Variants in ZNG1E observed in about 807,000 individuals in gnomAD.
ZNG1E encodes zinc-regulated GTPase metalloprotein activator 1E.
At chr9:65,665,348 C>A in the ZNG1E span, among the ~76,000 whole-genome samples, 54 of 152,368 alleles carry the variant, frequency 3.5e-4, no homozygotes, top group Non-Finnish European at 6.8e-4. Flanking sequence ...ATGAAAGGAG[C>A]CAAAGTACAG....
the ZNG1E span, among the ~76,000 whole-genome samples, chr9:65,721,192 C>G: frequency 7.0e-6 from 1 of 143,018 alleles, no homozygotes; most frequent in Non-Finnish European, 1.5e-5. Context: ...AGTTATGATG[C>G]CTTGTAGTTT....
chr9:65,679,215 TAA>T, the ZNG1E span: 1 of 640,374 alleles, frequency 1.6e-6, no homozygotes, highest in Non-Finnish European at 2.5e-6. Flanking sequence ...AGCAACATAG[TAA>T]AAGAGTAGCG....
the ZNG1E span, among the ~76,000 whole-genome samples, chr9:65,717,057 T>A: frequency 6.6e-6 from 1 of 152,030 alleles, no homozygotes; most frequent in Non-Finnish European, 1.5e-5. Context: ...AAATGACTAC[T>A]TCTTGTTTTA....
At chr9:65,710,676 G>A in the ZNG1E span, among the ~76,000 whole-genome samples, 30 of 151,356 alleles carry the variant, frequency 2.0e-4, no homozygotes, top group African/African-American at 3.4e-4. Context: ...GATATGCGGC[G>A]TTATTTCTGA....
At chr9:65,675,991 T>C in the ZNG1E span, 1 of 1,609,280 alleles carries the variant, frequency 6.2e-7, no homozygotes, top group Admixed American at 1.7e-5. Context: ...TACCGGCTGT[T>C]GGATCTGTGG....
At chr9:65,683,918 T>C in the ZNG1E span, among the ~76,000 whole-genome samples, 91 of 152,158 alleles carry the variant, frequency 6.0e-4, no homozygotes, top group East Asian at 0.013. Flanking sequence ...AAGAAAAATA[T>C]ATTGTATGCT....
chr9:65,686,726 C>T, the ZNG1E span, among the ~76,000 whole-genome samples: 2 of 152,256 alleles, frequency 1.3e-5, no homozygotes, highest in Non-Finnish European at 2.9e-5. Context: ...AGGTAGTTTA[C>T]TACAGCTTCT....
chr9:65,711,019 C>G, the ZNG1E span, among the ~76,000 whole-genome samples: 3 of 144,586 alleles, frequency 2.1e-5, no homozygotes, highest in East Asian at 5.9e-4. Flanking sequence ...TTTGTATCCT[C>G]TTTTATTTCC....
At chr9:65,674,839 C>T in the ZNG1E span, among the ~76,000 whole-genome samples, 2 of 143,978 alleles carry the variant, frequency 1.4e-5, no homozygotes, top group Admixed American at 1.4e-4. Flanking sequence ...GAGGAAGTTG[C>T]ACACACATAT....
the ZNG1E span, among the ~76,000 whole-genome samples, chr9:65,691,328 C>A: frequency 2.0e-5 from 3 of 149,892 alleles, no homozygotes; most frequent in South Asian, 2.1e-4. Context: ...GGTGATCCGC[C>A]AGCCTCGGCC....
chr9:65,659,724 C>A, the ZNG1E span, among the ~76,000 whole-genome samples: 4 of 152,090 alleles, frequency 2.6e-5, no homozygotes, highest in Admixed American at 6.6e-5. Context: ...CACTCTCACC[C>A]CCTCATTCTG....
At chr9:65,721,083 G>A in the ZNG1E span, among the ~76,000 whole-genome samples, 1 of 149,652 alleles carries the variant, frequency 6.7e-6, no homozygotes, top group African/African-American at 2.5e-5. Flanking sequence ...AGAATCATAG[G>A]GATGAAAAGA....
chr9:65,691,085 T>A, the ZNG1E span: 1 of 1,593,578 alleles, frequency 6.3e-7, no homozygotes, highest in Middle Eastern at 2.3e-4. Flanking sequence ...TTTGTTTTTT[T>A]TTTTCTGAGA....
At chr9:65,708,000 C>A in the ZNG1E span, 5 of 151,542 alleles carry the variant, frequency 3.3e-5, no homozygotes, top group African/African-American at 1.2e-4. Flanking sequence ...GCTGGGACTA[C>A]AGGTGCATGC....
At chr9:65,684,550 G>GCACACGCACACACA in the ZNG1E span, among the ~76,000 whole-genome samples, 295 of 131,894 alleles carry the variant, frequency 2.2e-3, 5 homozygotes, top group African/African-American at 7.4e-3. Context: ...ACACACGCAC[G>GCACACGCACACACA]CACACACACA....
the ZNG1E span, among the ~76,000 whole-genome samples, chr9:65,680,618 G>T: frequency 1.3e-5 from 2 of 152,232 alleles, no homozygotes; most frequent in African/African-American, 2.4e-5. Flanking sequence ...TCGATTTTAT[G>T]GGAGCTCATT....
chr9:65,681,328 G>A, the ZNG1E span, among the ~76,000 whole-genome samples: 1 of 152,244 alleles, frequency 6.6e-6, no homozygotes. Flanking sequence ...GAGGCCTAAG[G>A]AGGAAGTAGG....
chr9:65,714,018 C>T, the ZNG1E span, among the ~76,000 whole-genome samples: 609 of 150,080 alleles, frequency 4.1e-3, no homozygotes, highest in African/African-American at 0.015. Context: ...TTGGTCTTTT[C>T]ACATAGTCCC....
chr9:65,671,439 C>T, the ZNG1E span, among the ~76,000 whole-genome samples: 113 of 152,006 alleles, frequency 7.4e-4, 1 homozygote, highest in East Asian at 0.014. Context: ...TTTGCCTCAA[C>T]CTCCCGAGTA....
Sources: gnomAD v4.1 joint callset for allele counts (sites outside exome capture counted in the v4.1 genomes callset) on GRCh38, gnomAD v4.1.1 for gene constraint, MANE v1.5 for transcripts, NCBI Gene and HGNC (gene_info 2026-07-23, HGNC 2026-07-21) for gene names.